CACHD1: variants seen among roughly 807,000 people sequenced by gnomAD.
CACHD1 encodes VWFA and cache domain-containing protein 1.
In CACHD1, 71 loss-of-function variants were observed where a neutral mutation model predicts 138.7. The ratio of observed to expected loss-of-function variants is 0.51; its 90% CI spans 0.42 to 0.62. The LOEUF is 0.62. Among genes scored for constraint, CACHD1 ranks in the 20% least tolerant of loss-of-function variants. The probability of loss-of-function intolerance (pLI) is 0.00; values close to 1 mark genes in which losing one functional copy is unlikely to be tolerated. For synonymous variants in CACHD1, 578 were observed against 591.5 expected (o/e 0.98, Z 0.33); for missense variants, 1,389 against 1,625.3 (o/e 0.85, Z 2.50).
At chr1:64,602,232 A>T (rs1205557709) in intron 3 of CACHD1, among the ~76,000 whole-genome samples, 1 of 152,164 alleles carries the variant, frequency 6.6e-6, no homozygotes, top group Non-Finnish European at 1.5e-5. Context: ...CATTATTTTT[A>T]ATTTTTTTTA....
At chr1:64,485,813 C>T (rs182882861) in intron 1 of CACHD1, among the ~76,000 whole-genome samples, 1 of 152,142 alleles carries the variant, frequency 6.6e-6, no homozygotes, top group East Asian at 1.9e-4. Flanking sequence ...TTTGATGTTT[C>T]AAATCTACTA....
rs543621308 is a variant in CACHD1, at chr1:64,515,027, T to C, written c.199-35567T>C. On this transcript the variant is annotated intron_variant, in intron 1 of 26. Coordinates refer to ENST00000651257, the MANE Select transcript of CACHD1 (RefSeq NM_020925.4). ...TCTCTAAATCTCTTCATTGGTATGCTGCCATCCATGTGATTTTGGTCATAC... is the reference window on the plus strand; with the variant it reads ...TCTCTAAATCTCTTCATTGGTATGCCGCCATCCATGTGATTTTGGTCATAC... Among the ~76,000 whole-genome samples, 22 of 152,356 alleles carry C rather than the reference T, an allele frequency of 1.4e-4. No individual in the cohort carries two copies. The South Asian group carries it at 4.1e-3, about 29-fold the overall frequency.
chr1:64,643,391 G>A (rs1570445423), intron 8 of CACHD1, among the ~76,000 whole-genome samples: 3 of 152,168 alleles, frequency 2.0e-5, no homozygotes, highest in South Asian at 2.1e-4. Flanking sequence ...TTTGCTAGTC[G>A]TTTGGCTTAT....
chr1:64,691,367 T>A lies in CACHD1; in HGVS notation c.3631T>A (p.Cys1211Ser). 6.2e-7 allele frequency: 1 copy of A among 1,614,132 alleles called. No individual in the cohort carries two copies. The highest frequency in any genetic ancestry group is 8.5e-7 in the Non-Finnish European group (1 of 1,180,016). ...SPQEDSENPP[C>S]NNDPLSAGVD... ...ACAGGAGGACAGTGAAAATCCTCCA[T>A]GCAACAATGACCCCTTGTCAGCCGG... The change falls in exon 27 of 27, where the codon TGC (cysteine) becomes AGC (serine). Residue 1211 changes from cysteine to serine, a missense_variant. Transcript: ENST00000651257.
At chr1:64,594,615 T>C (rs921049435) in intron 3 of CACHD1, among the ~76,000 whole-genome samples, 7 of 152,248 alleles carry the variant, frequency 4.6e-5, no homozygotes, top group Non-Finnish European at 7.3e-5. Flanking sequence ...TCTAGCTTCC[T>C]GCGTTTTTCG....
intron 1 of CACHD1, among the ~76,000 whole-genome samples, chr1:64,544,668 G>A (rs1646704922): frequency 6.6e-6 from 1 of 151,918 alleles, no homozygotes; most frequent in Non-Finnish European, 1.5e-5. Flanking sequence ...GAGGTAGGGG[G>A]AACTGTATTC....
At chr1:64,647,079 A>AG (rs201227057) in intron 8 of CACHD1, among the ~76,000 whole-genome samples, 8 of 151,842 alleles carry the variant, frequency 5.3e-5, no homozygotes, top group Admixed American at 3.9e-4. Flanking sequence ...AAAAAAAAAA[A>AG]GTGTATTAAA....
chr1:64,585,259 A>C (rs531575002), intron 3 of CACHD1, among the ~76,000 whole-genome samples: 1 of 152,356 alleles, frequency 6.6e-6, no homozygotes, highest in Admixed American at 6.5e-5. Flanking sequence ...ACATGTGTGC[A>C]TTAAGTTTGG....
intron 23 of CACHD1, among the ~76,000 whole-genome samples, chr1:64,678,540 C>A (rs549099484): frequency 2.0e-5 from 3 of 152,210 alleles, no homozygotes; most frequent in East Asian, 3.9e-4. Context: ...GAATTCATTC[C>A]CATAAAGCTT....
intron 1 of CACHD1, among the ~76,000 whole-genome samples, chr1:64,474,419 G>A (rs533836266): frequency 6.6e-6 from 1 of 152,326 alleles, no homozygotes; most frequent in East Asian, 1.9e-4. Flanking sequence ...GATTTTATCT[G>A]TAAAATTGAG....
intron 12 of CACHD1, among the ~76,000 whole-genome samples, chr1:64,658,406 A>G (rs1649335037): frequency 6.6e-6 from 1 of 152,208 alleles, no homozygotes; most frequent in Non-Finnish European, 1.5e-5. Context: ...ATTAACCCAC[A>G]TTAGCAAAAA....
At chr1:64,498,992 T>C (rs758255759) in intron 1 of CACHD1, among the ~76,000 whole-genome samples, 17 of 152,346 alleles carry the variant, frequency 1.1e-4, no homozygotes, top group Non-Finnish European at 2.2e-4. Flanking sequence ...ATAGAACTGA[T>C]TTCCCAGTTA....
At chr1:64,682,187 A>G (rs925186402) in intron 26 of CACHD1, 81 bp downstream of exon 26, 5 of 1,292,790 alleles carry the variant, frequency 3.9e-6, no homozygotes, top group Non-Finnish European at 5.6e-6. Flanking sequence ...CTATTTTGAC[A>G]TGGTTTTCCA....
At chr1:64,663,092 T>G (rs899018943) in intron 13 of CACHD1, among the ~76,000 whole-genome samples, 5 of 152,250 alleles carry the variant, frequency 3.3e-5, no homozygotes, top group Admixed American at 3.3e-4. Flanking sequence ...CAGACTGGTT[T>G]CATGTGTGTC....
intron 1 of CACHD1, among the ~76,000 whole-genome samples, chr1:64,508,545 C>G (rs1419821502): frequency 2.0e-5 from 3 of 152,116 alleles, no homozygotes; most frequent in Admixed American, 2.0e-4. Context: ...ATAATCATGC[C>G]TACCTTAAAT....
At chr1:64,536,926 C>T (rs1646637083) in intron 1 of CACHD1, among the ~76,000 whole-genome samples, 1 of 152,054 alleles carries the variant, frequency 6.6e-6, no homozygotes, top group African/African-American at 2.4e-5. Context: ...TGCTGAAATT[C>T]CCGTGAGGAA....
intron 16 of CACHD1, among the ~76,000 whole-genome samples, chr1:64,667,580 A>G (rs1649677022): frequency 1.3e-5 from 2 of 152,262 alleles, no homozygotes; most frequent in South Asian, 4.1e-4. Flanking sequence ...CCATGTGTGA[A>G]GCACACTCCT....
intron 7 of CACHD1, among the ~76,000 whole-genome samples, chr1:64,640,387 T>A (rs12122390): frequency 0.98 from 149,370 of 152,184 alleles, 73,369 homozygotes; most frequent in East Asian, 1. Flanking sequence ...CTAAAAATTT[T>A]TATTGAGGCC....
At chr1:64,652,893 G>A (rs1259516087) in intron 10 of CACHD1, among the ~76,000 whole-genome samples, 1 of 152,134 alleles carries the variant, frequency 6.6e-6, no homozygotes, top group African/African-American at 2.4e-5. Context: ...CCATTACTGG[G>A]TGTATATATG....
Sources: gnomAD v4.1 joint callset for allele counts (sites outside exome capture counted in the v4.1 genomes callset) on GRCh38, gnomAD v4.1.1 for gene constraint, MANE v1.5 for transcripts, NCBI Gene and HGNC (gene_info 2026-07-23, HGNC 2026-07-21) for gene names.